SGCD: variants seen among roughly 807,000 people sequenced by gnomAD.
The protein encoded by SGCD is delta-sarcoglycan.
In SGCD, 18 loss-of-function variants were observed where a neutral mutation model predicts 36.6. The ratio of observed to expected loss-of-function variants is 0.49; its 90% CI spans 0.34 to 0.73. The LOEUF (loss-of-function observed/expected upper bound fraction) is 0.73, where lower values mean the gene tolerates loss of function less well. Ranked by LOEUF, SGCD falls within the 30% of genes least tolerant of loss-of-function variation. The pLI, the probability that SGCD is intolerant of heterozygous loss-of-function variation, is 0.01. For missense variants in SGCD, 387 were observed against 346.7 expected (o/e 1.12, Z -0.92); for synonymous variants, 133 against 130.6 (o/e 1.02, Z -0.12).
At chr5:156,275,048 T>C (rs1766281281) in intron 3 of SGCD, among the ~76,000 whole-genome samples, 1 of 151,326 alleles carries the variant, frequency 6.6e-6, no homozygotes, top group Non-Finnish European at 1.5e-5. Context: ...AATGTTCTGA[T>C]TGTTAAAGGT....
At chr5:156,585,671 A>G (rs948522495) in intron 4 of SGCD, among the ~76,000 whole-genome samples, 1 of 152,170 alleles carries the variant, frequency 6.6e-6, no homozygotes, top group African/African-American at 2.4e-5. Flanking sequence ...TAGTATTTCC[A>G]AAGGCAAAAT....
the SGCD span, among the ~76,000 whole-genome samples, chr5:155,788,907 G>C: frequency 6.6e-6 from 1 of 152,054 alleles, no homozygotes; most frequent in Non-Finnish European, 1.5e-5. Flanking sequence ...GAACAGCAAA[G>C]ACATAAAACG....
At chr5:156,555,865 T>A (rs80318760) in intron 4 of SGCD, among the ~76,000 whole-genome samples, 2,666 of 152,192 alleles carry the variant, frequency 0.018, 30 homozygotes, top group Non-Finnish European at 0.029. Context: ...CTTTTAGCAG[T>A]GTTTTGTAGT....
intron 3 of SGCD, among the ~76,000 whole-genome samples, chr5:156,503,913 G>A (rs906819140): frequency 6.6e-6 from 1 of 151,902 alleles, no homozygotes; most frequent in African/African-American, 2.4e-5. Flanking sequence ...TAGAAAATTA[G>A]AATGTACAGC....
At chr5:156,745,116 G>C (rs186140312) in intron 7 of SGCD, among the ~76,000 whole-genome samples, 3 of 152,106 alleles carry the variant, frequency 2.0e-5, no homozygotes, top group African/African-American at 7.2e-5. Flanking sequence ...GGTTCACTGA[G>C]GTGGGGAGTC....
rs372399423 is a variant in SGCD, at chr5:155,891,558, C to CT, written c.-282+21153dup. On this transcript the variant is annotated intron_variant, in intron 1 of 9. Transcript: ENST00000517913. ...CAAATTCCAGAGAAAAATAAATACT[C>CT]TTTTTTTTTTTTTTTTTTTGGTGAC... Among the ~76,000 whole-genome samples, 340 of 60,776 alleles carry CT rather than the reference C, an allele frequency of 5.6e-3. 22 individuals carry two copies. The highest frequency in any genetic ancestry group is 0.039 in the Middle Eastern group (3 of 76). 39.9% of individuals were successfully genotyped at this position (60,776 alleles called of 152,430 possible). A position where few individuals can be genotyped will look rare whatever the true frequency, so the allele number is the denominator to read the frequency against.
the SGCD span, among the ~76,000 whole-genome samples, chr5:155,802,113 A>G: frequency 6.6e-6 from 1 of 152,192 alleles, no homozygotes; most frequent in African/African-American, 2.4e-5. Context: ...TTTTCCCAGA[A>G]GAGGGAGTTT....
chr5:156,228,119 A>G (rs1182604817), intron 3 of SGCD, among the ~76,000 whole-genome samples: 1 of 152,038 alleles, frequency 6.6e-6, no homozygotes, highest in East Asian at 1.9e-4. Flanking sequence ...ATATTCTGCA[A>G]TTGTTGGATG....
At chr5:155,839,254 ATCAGTGTGGAAT>A in the SGCD span, among the ~76,000 whole-genome samples, 2 of 152,212 alleles carry the variant, frequency 1.3e-5, no homozygotes, top group Non-Finnish European at 2.9e-5. Flanking sequence ...TAATGATATC[ATCAGTGTGGAAT>A]CAAACAGATT....
At chr5:156,104,302 C>T (rs1212148900) in intron 1 of SGCD, among the ~76,000 whole-genome samples, 2 of 152,124 alleles carry the variant, frequency 1.3e-5, no homozygotes, top group Non-Finnish European at 2.9e-5. Flanking sequence ...TGCTAATTTG[C>T]ATTTGCATAA....
intron 1 of SGCD, among the ~76,000 whole-genome samples, chr5:155,883,512 G>A (rs1755932631): frequency 6.6e-6 from 1 of 151,980 alleles, no homozygotes; most frequent in Non-Finnish European, 1.5e-5. Flanking sequence ...AGGGAATAGG[G>A]AGTCCCCAAG....
At chr5:156,604,952 C>G (rs1761365697) in intron 6 of SGCD, among the ~76,000 whole-genome samples, 2 of 151,454 alleles carry the variant, frequency 1.3e-5, no homozygotes, top group Admixed American at 1.3e-4. Flanking sequence ...TTTTAGCCTT[C>G]ATATTAAGGG....
chr5:155,948,293 A>C (rs10055113), intron 1 of SGCD, among the ~76,000 whole-genome samples: 83,955 of 151,798 alleles, frequency 0.55, 23,440 homozygotes, highest in Admixed American at 0.67. Flanking sequence ...GCTACTACTA[A>C]TAATAATAAT....
chr5:156,757,888 G>A, intron 8 of SGCD, 184 bp downstream of exon 8: 2 of 1,294,544 alleles, frequency 1.5e-6, no homozygotes, highest in South Asian at 6.5e-5. Context: ...CCATCAAAGT[G>A]ATGATTTCTT....
At chr5:156,056,654 A>AAAAAAACAAAAAAAC (rs1554115105) in intron 1 of SGCD, among the ~76,000 whole-genome samples, 1 of 137,832 alleles carries the variant, frequency 7.3e-6, no homozygotes, top group Non-Finnish European at 1.6e-5. Context: ...TTAAAAAAAA[A>AAAAAAACAAAAAAAC]AAAAAAAAAA....
chr5:156,223,288 G>T (rs1764764827), intron 3 of SGCD, among the ~76,000 whole-genome samples: 1 of 152,076 alleles, frequency 6.6e-6, no homozygotes. Context: ...TGAAGAAATA[G>T]AATTCTATTA....
At chr5:155,892,669 T>C (rs1162868800) in intron 1 of SGCD, among the ~76,000 whole-genome samples, 3 of 152,194 alleles carry the variant, frequency 2.0e-5, no homozygotes, top group Admixed American at 1.3e-4. Context: ...TTTTTAAATG[T>C]TGGCAACTAG....
At chr5:155,886,480 A>G (rs1027628623) in intron 1 of SGCD, among the ~76,000 whole-genome samples, 25 of 151,036 alleles carry the variant, frequency 1.7e-4, no homozygotes, top group Admixed American at 1.3e-4. Context: ...TTGCAGAGGA[A>G]TGTGTGTGTG....
chr5:156,744,359 G>A (rs896415913), intron 7 of SGCD, among the ~76,000 whole-genome samples: 3 of 152,188 alleles, frequency 2.0e-5, no homozygotes, highest in Non-Finnish European at 2.9e-5. Flanking sequence ...TCACCTGCTC[G>A]ATCACCTTGT....
Sources: gnomAD v4.1 joint callset for allele counts (sites outside exome capture counted in the v4.1 genomes callset) on GRCh38, gnomAD v4.1.1 for gene constraint, MANE v1.5 for transcripts, NCBI Gene and HGNC (gene_info 2026-07-23, HGNC 2026-07-21) for gene names.